The following ZNF804B variants were observed in gnomAD, a reference collection of about 807,000 sequenced individuals.
ZNF804B encodes zinc finger protein 804B.
In ZNF804B, 80 loss-of-function variants were observed where a neutral mutation model predicts 101.4. That is an observed-to-expected ratio of 0.79 (90% confidence interval 0.66 to 0.95). The LOEUF (loss-of-function observed/expected upper bound fraction) is 0.95, where lower values mean the gene tolerates loss of function less well. ZNF804B is among the 40% of genes least tolerant of loss of function. ZNF804B has a pLI of 0.00. For missense variants in ZNF804B, 1,673 were observed against 1,561.9 expected (o/e 1.07, Z -1.20); for synonymous variants, 622 against 558.8 (o/e 1.11, Z -1.59).
intron 1 of ZNF804B, among the ~76,000 whole-genome samples, chr7:88,939,453 T>C (rs1427002006): frequency 1.3e-5 from 2 of 151,958 alleles, no homozygotes; most frequent in African/African-American, 4.8e-5. Context: ...ATATTGTTTT[T>C]ATTTTTAGTT....
intron 2 of ZNF804B, among the ~76,000 whole-genome samples, chr7:89,293,511 G>A (rs1173244712): frequency 2.6e-5 from 4 of 152,062 alleles, no homozygotes; most frequent in Non-Finnish European, 4.4e-5. Context: ...TGGGCCAGGC[G>A]TGGTGTCTCA....
chr7:89,228,124 G>A (rs188814260), intron 2 of ZNF804B, among the ~76,000 whole-genome samples: 11 of 151,962 alleles, frequency 7.2e-5, no homozygotes, highest in South Asian at 2.1e-4. Context: ...TCTGATGTTC[G>A]GATGTGTTTG....
intron 2 of ZNF804B, among the ~76,000 whole-genome samples, chr7:89,295,451 A>G (rs189782123): frequency 6.6e-6 from 1 of 152,182 alleles, no homozygotes; most frequent in African/African-American, 2.4e-5. Context: ...CAAATGCTTT[A>G]TACTCCTATT....
At chr7:88,924,129 A>G (rs1562833199) in intron 1 of ZNF804B, among the ~76,000 whole-genome samples, 1 of 152,024 alleles carries the variant, frequency 6.6e-6, no homozygotes, top group South Asian at 2.1e-4. Flanking sequence ...ATATTACTGT[A>G]TTACCTTCAT....
At chr7:89,331,193 T>A (rs1184909143) in intron 3 of ZNF804B, among the ~76,000 whole-genome samples, 1 of 151,646 alleles carries the variant, frequency 6.6e-6, no homozygotes, top group Non-Finnish European at 1.5e-5. Flanking sequence ...TAGTTCCTAC[T>A]TAATCCAAAT....
chr7:88,812,314 G>A (rs1238662218), intron 1 of ZNF804B, among the ~76,000 whole-genome samples: 1 of 152,086 alleles, frequency 6.6e-6, no homozygotes, highest in Non-Finnish European at 1.5e-5. Context: ...AAAAATTAGT[G>A]TGCACTTAAC....
intron 1 of ZNF804B, among the ~76,000 whole-genome samples, chr7:89,048,727 A>T (rs1015382109): frequency 6.6e-6 from 1 of 151,878 alleles, no homozygotes; most frequent in South Asian, 2.1e-4. Flanking sequence ...TTTTTGATTT[A>T]AAAAACTCAT....
chr7:89,316,664 A>G (rs1292271948), intron 2 of ZNF804B, among the ~76,000 whole-genome samples: 1 of 152,172 alleles, frequency 6.6e-6, no homozygotes, highest in Non-Finnish European at 1.5e-5. Flanking sequence ...TGTAAAGACC[A>G]TCAGAAAGCT....
At chr7:88,912,251 T>G (rs767091702) in intron 1 of ZNF804B, among the ~76,000 whole-genome samples, 8 of 152,198 alleles carry the variant, frequency 5.3e-5, no homozygotes, top group Non-Finnish European at 1.2e-4. Flanking sequence ...TTTAGGCTAT[T>G]TTTAATTGGC....
chr7:89,239,028 T>C (rs1211720481), intron 2 of ZNF804B, among the ~76,000 whole-genome samples: 1 of 152,180 alleles, frequency 6.6e-6, no homozygotes, highest in Non-Finnish European at 1.5e-5. Flanking sequence ...ATAAATCTAA[T>C]CACTTCTCTA....
At chr7:89,039,434 A>T (rs1216023834) in intron 1 of ZNF804B, among the ~76,000 whole-genome samples, 3 of 151,948 alleles carry the variant, frequency 2.0e-5, no homozygotes, top group African/African-American at 7.2e-5. Flanking sequence ...TTGATTAAAT[A>T]TATTTCTAAG....
At chr7:89,064,735 C>T (rs1789431240) in intron 1 of ZNF804B, among the ~76,000 whole-genome samples, 1 of 152,114 alleles carries the variant, frequency 6.6e-6, no homozygotes, top group Non-Finnish European at 1.5e-5. Flanking sequence ...AAACTGGAGG[C>T]TTCCTTGTAA....
intron 1 of ZNF804B, among the ~76,000 whole-genome samples, chr7:89,022,774 T>C (rs1788687375): frequency 6.6e-6 from 1 of 152,126 alleles, no homozygotes; most frequent in African/African-American, 2.4e-5. Context: ...AGCTATCACA[T>C]GTGAGTGAAG....
At chr7:88,919,350 G>C (rs897809178) in intron 1 of ZNF804B, among the ~76,000 whole-genome samples, 2 of 152,084 alleles carry the variant, frequency 1.3e-5, no homozygotes, top group Non-Finnish European at 2.9e-5. Context: ...AAGTTTTAAT[G>C]ATTCATGAGA....
intron 1 of ZNF804B, among the ~76,000 whole-genome samples, chr7:89,000,283 A>T (rs926983441): frequency 1.3e-5 from 2 of 152,006 alleles, no homozygotes; most frequent in Non-Finnish European, 2.9e-5. Context: ...CACTGTTAGC[A>T]TTTATTTTAT....
intron 2 of ZNF804B, among the ~76,000 whole-genome samples, chr7:89,241,713 C>T (rs1400688376): frequency 2.6e-5 from 4 of 151,908 alleles, no homozygotes; most frequent in Non-Finnish European, 5.9e-5. Context: ...TGTGATAAAT[C>T]TGAGGGTTGC....
intron 1 of ZNF804B, among the ~76,000 whole-genome samples, chr7:89,105,025 A>G (rs993844335): frequency 3.3e-5 from 5 of 152,158 alleles, no homozygotes; most frequent in Non-Finnish European, 7.4e-5. Flanking sequence ...GATGATACCA[A>G]TCTAAAGAAT....
At chr7:88,866,025 TGGTTC>T (rs1160537520) in intron 1 of ZNF804B, among the ~76,000 whole-genome samples, 1 of 152,232 alleles carries the variant, frequency 6.6e-6, no homozygotes, top group Non-Finnish European at 1.5e-5. Flanking sequence ...TATTGATTTT[TGGTTC>T]AATGTCTTGT....
chr7:89,321,340 G>A (rs558962493), intron 2 of ZNF804B, among the ~76,000 whole-genome samples: 251 of 152,102 alleles, frequency 1.7e-3, no homozygotes, highest in African/African-American at 5.1e-3. Context: ...TTAGCCAGGC[G>A]TGGTGGCAGG....
Sources: allele counts gnomAD v4.1 joint callset (sites outside exome capture counted in the v4.1 genomes callset), GRCh38; gene constraint gnomAD v4.1.1; transcripts MANE v1.5; gene names NCBI Gene and HGNC (gene_info 2026-07-23, HGNC 2026-07-21).